Variants in SATB2 observed in about 807,000 individuals in gnomAD.
SATB2 encodes the protein DNA-binding protein SATB2.
A neutral mutation model predicts 73.4 loss-of-function variants in SATB2; 1 was observed. The ratio of observed to expected loss-of-function variants is 0.01; its 90% CI spans 0.00 to 0.06. The LOEUF is 0.06. SATB2 is among the 10% of genes least tolerant of loss of function. The pLI is 1.00. For missense variants in SATB2, 459 were observed against 945.8 expected (o/e 0.49, Z 6.75); for synonymous variants, 397 against 367.0 (o/e 1.08, Z -0.93).
At chr2:199,279,324 G>A (rs1048266369) in intron 10 of SATB2, among the ~76,000 whole-genome samples, 1 of 152,192 alleles carries the variant, frequency 6.6e-6, no homozygotes, top group African/African-American at 2.4e-5. Flanking sequence ...AGATAAAGCA[G>A]CTCTTCTTAA....
chr2:199,444,186 CTATT>C (rs1691900518), intron 2 of SATB2, among the ~76,000 whole-genome samples: 2 of 151,722 alleles, frequency 1.3e-5, no homozygotes. Flanking sequence ...ATGAAAGAGA[CTATT>C]TAAGTCTCTG....
chr2:199,349,606 C>T (rs1325491836), intron 6 of SATB2, among the ~76,000 whole-genome samples: 2 of 152,258 alleles, frequency 1.3e-5, no homozygotes, highest in South Asian at 2.1e-4. Flanking sequence ...AAATTAAGTG[C>T]TACCTTCTAG....
intron 3 of SATB2, among the ~76,000 whole-genome samples, chr2:199,391,283 A>T (rs1199291201): frequency 1.3e-5 from 2 of 152,048 alleles, no homozygotes; most frequent in African/African-American, 4.8e-5. Flanking sequence ...AATACAAAAA[A>T]TTAGCCAGGT....
At chr2:199,312,284 C>A (rs909098260) in intron 9 of SATB2, among the ~76,000 whole-genome samples, 1 of 152,268 alleles carries the variant, frequency 6.6e-6, no homozygotes, top group East Asian at 1.9e-4. Context: ...GGTTTCCAGC[C>A]TTGGACAGCT....
intron 6 of SATB2, among the ~76,000 whole-genome samples, chr2:199,349,479 C>A (rs1191147170): frequency 6.6e-6 from 1 of 152,158 alleles, no homozygotes; most frequent in East Asian, 1.9e-4. Flanking sequence ...CCTCTTAGAT[C>A]CCCCAAGCTC....
At chr2:199,377,343 A>G (rs1189633090) in intron 5 of SATB2, among the ~76,000 whole-genome samples, 1 of 152,224 alleles carries the variant, frequency 6.6e-6, no homozygotes, top group African/African-American at 2.4e-5. Context: ...GTGCCACTAC[A>G]CTTCAGCCTG....
chr2:199,332,317 T>C (rs1369819770), intron 7 of SATB2, among the ~76,000 whole-genome samples: 2 of 152,080 alleles, frequency 1.3e-5, no homozygotes, highest in East Asian at 3.9e-4. Context: ...AATGAACATC[T>C]GCACAAGGTA....
At chr2:199,335,267 T>A (rs1688305229) in intron 7 of SATB2, among the ~76,000 whole-genome samples, 1 of 152,058 alleles carries the variant, frequency 6.6e-6, no homozygotes, top group African/African-American at 2.4e-5. Context: ...TCGGATGGGG[T>A]GGATAGAATT....
intron 3 of SATB2, among the ~76,000 whole-genome samples, chr2:199,400,500 A>C (rs1690439061): frequency 6.6e-6 from 1 of 152,242 alleles, no homozygotes; most frequent in African/African-American, 2.4e-5. Flanking sequence ...TAATCTTCAC[A>C]TTATTCCTTT....
In SATB2 at chr2:199,271,027, G is replaced by A. The variant is rs1692138769; in HGVS notation, c.*1184C>T. On this transcript the variant is annotated 3_prime_UTR_variant, in exon 11 of 11. Coordinates refer to ENST00000417098, the MANE Select transcript of SATB2 (RefSeq NM_001172509.2). The stretch of plus-strand genomic sequence containing the variant: ...GAGAGGGAAGGATGGAGATTTATTT[G>A]AGAGGGAGCCCCTTTAACTGGGCAG... 2.0e-5 allele frequency: 3 copies of A among 152,446 alleles called. No individual in the cohort carries two copies. Among genetic ancestry groups the A allele is most frequent in the South Asian group, 4.2e-4 (2 of 4,818 alleles). 9.4% of individuals were successfully genotyped at this position (152,446 alleles called of 1,614,324 possible).
At position 199,455,143 on chromosome 2, in the gene SATB2, T is replaced by C. The variant is rs1692236172; in HGVS notation, c.169+726A>G. Among the ~76,000 whole-genome samples, 1 of 152,246 alleles carries C rather than the reference T, an allele frequency of 6.6e-6. No homozygotes were observed. Among genetic ancestry groups the C allele is most frequent in the Non-Finnish European group, 1.5e-5 (1 of 68,038 alleles). ...TTTTCCTGACCACTTTAAAAGAAAG[T>C]AGTTGCTTAAGTAGTAAAAACTACA... On this transcript the variant is annotated intron_variant, in intron 2 of 10. Transcript: ENST00000417098. The surrounding 1 kb of genome is among the most constrained non-coding windows in gnomAD (Gnocchi z 4.1).
chr2:199,377,458 T>C (rs1689638712), intron 5 of SATB2, among the ~76,000 whole-genome samples: 1 of 152,214 alleles, frequency 6.6e-6, no homozygotes, highest in South Asian at 2.1e-4. Flanking sequence ...AATTTTAAGA[T>C]AATACAGAAG....
At chr2:199,297,646 G>T (rs985087368) in intron 10 of SATB2, among the ~76,000 whole-genome samples, 1 of 152,092 alleles carries the variant, frequency 6.6e-6, no homozygotes, top group African/African-American at 2.4e-5. Flanking sequence ...TCTGCTAATG[G>T]GGGAGATGCC....
chr2:199,345,292 T>A (rs769561155), intron 7 of SATB2, among the ~76,000 whole-genome samples: 29 of 152,122 alleles, frequency 1.9e-4, no homozygotes, highest in Non-Finnish European at 3.5e-4. Flanking sequence ...TTTCTTTTTT[T>A]TTATTATTCT....
chr2:199,432,181 G>A (rs766258885), intron 3 of SATB2, among the ~76,000 whole-genome samples: 115 of 152,262 alleles, frequency 7.6e-4, no homozygotes, highest in Non-Finnish European at 1.4e-3. Context: ...AACTAGTAGG[G>A]TACTACCTGC....
chr2:199,467,151 C>T (rs1304629233), upstream of SATB2, among the ~76,000 whole-genome samples: 7 of 152,264 alleles, frequency 4.6e-5, no homozygotes, highest in African/African-American at 1.4e-4. Flanking sequence ...TCAGGTCTCC[C>T]GGCCAGACTC....
In SATB2 at chr2:199,455,699, G is replaced by C. The variant is rs1408811523; in HGVS notation, c.169+170C>G. Reference sequence around the variant, plus strand: ...TAAAACCACTTTCTTGTTTTAACTGGAGATGAAGCTACCAGTTGCAGATGA... The same window carrying C: ...TAAAACCACTTTCTTGTTTTAACTGCAGATGAAGCTACCAGTTGCAGATGA... On this transcript the variant is annotated intron_variant, in intron 2 of 10. Transcript: ENST00000417098. The surrounding 1 kb of genome is among the most constrained non-coding windows in gnomAD (Gnocchi z 4.1). Among the ~76,000 whole-genome samples the C allele has an allele frequency of 6.6e-6, 1 of 152,228 alleles. No homozygotes were observed. The highest frequency in any genetic ancestry group is 2.1e-4 in the South Asian group (1 of 4,832).
chr2:199,384,287 C>T (rs768754556), intron 3 of SATB2, among the ~76,000 whole-genome samples: 1 of 152,152 alleles, frequency 6.6e-6, no homozygotes, highest in Non-Finnish European at 1.5e-5. Context: ...TGCTATTTTC[C>T]CAGGCAATGG....
At chr2:199,429,745 A>G (rs1171314775) in intron 3 of SATB2, among the ~76,000 whole-genome samples, 1 of 152,088 alleles carries the variant, frequency 6.6e-6, no homozygotes, top group Non-Finnish European at 1.5e-5. Context: ...CCCCATCTTT[A>G]CTAAAAATAC....
Sources: gnomAD v4.1 joint callset for allele counts (sites outside exome capture counted in the v4.1 genomes callset) on GRCh38, gnomAD v4.1.1 for gene constraint, Gnocchi (gnomAD v3.1) non-coding constraint, MANE v1.5 for transcripts, NCBI Gene and HGNC (gene_info 2026-07-23, HGNC 2026-07-21) for gene names.